Variants in TRAPPC13 observed in about 807,000 individuals in gnomAD.
TRAPPC13 encodes the protein REV7-interacting novel NHEJ regulator 1.
In TRAPPC13, 39 loss-of-function variants were observed where a neutral mutation model predicts 54.0. The observed-to-expected ratio is 0.72, with a 90% CI of 0.56 to 0.94. TRAPPC13 has a LOEUF of 0.94. Ranked by LOEUF, TRAPPC13 falls within the 40% of genes least tolerant of loss-of-function variation. The pLI, the probability that TRAPPC13 is intolerant of heterozygous loss-of-function variation, is 0.00. For missense variants in TRAPPC13, 386 were observed against 488.1 expected, an observed-to-expected ratio of 0.79 and a Z score of 1.97; for synonymous variants, 148 against 167.7, an observed-to-expected ratio of 0.88 and a Z score of 0.91.
chr5:65,642,184 G>A (rs56136819), intron 4 of TRAPPC13, among the ~76,000 whole-genome samples: 2,641 of 152,082 alleles, frequency 0.017, 76 homozygotes, highest in African/African-American at 0.059. Context: ...TTAGCTGGGC[G>A]TGCTGGCGAG....
chr5:65,646,856 T>G (rs528681607), intron 4 of TRAPPC13, among the ~76,000 whole-genome samples, 199 bp from the exon 5 acceptor site: 178 of 151,870 alleles, frequency 1.2e-3, no homozygotes, highest in South Asian at 4.2e-3. Flanking sequence ...TTTATTTTTT[T>G]GGGGTTGGGG....
At chr5:65,637,126 C>T (rs940591567) in intron 3 of TRAPPC13, among the ~76,000 whole-genome samples, 4 of 152,152 alleles carry the variant, frequency 2.6e-5, no homozygotes, top group African/African-American at 9.7e-5. Flanking sequence ...TTCAATGAGT[C>T]TTATCTCTAG....
At chr5:65,635,520 C>T in intron 2 of TRAPPC13, among the ~76,000 whole-genome samples, 151 bp downstream of exon 2, 1 of 152,150 alleles carries the variant, frequency 6.6e-6, no homozygotes, top group East Asian at 1.9e-4. Flanking sequence ...TGAAAGGTGG[C>T]CATCTGAGTA....
intron 9 of TRAPPC13, among the ~76,000 whole-genome samples, chr5:65,659,967 CAAAAA>C (rs141876171): frequency 2.4e-4 from 23 of 95,230 alleles, no homozygotes; most frequent in East Asian, 2.4e-3. Context: ...GTATTTTAAA[CAAAAA>C]AAAAAAAAAA....
chr5:65,629,773 A>G, intron 1 of TRAPPC13: 1 of 1,536,120 alleles, frequency 6.5e-7, no homozygotes, highest in Non-Finnish European at 8.7e-7. Flanking sequence ...TGATTTCTGA[A>G]GAGGCAGCTG....
At chr5:65,664,424 T>C (rs1756960281) in intron 12 of TRAPPC13, 40 bp downstream of exon 12, 1 of 1,605,616 alleles carries the variant, frequency 6.2e-7, no homozygotes. Flanking sequence ...TTGGGTGCTG[T>C]TAACTTACAA....
At chr5:65,651,729 T>TC (rs1554129759) in intron 6 of TRAPPC13, among the ~76,000 whole-genome samples, 4 of 151,590 alleles carry the variant, frequency 2.6e-5, no homozygotes, top group African/African-American at 9.7e-5. Flanking sequence ...ATGGTTTTTT[T>TC]CATTCCTTTG....
intron 1 of TRAPPC13, chr5:65,634,766 G>C (rs1386560551): frequency 6.5e-6 from 1 of 154,936 alleles, no homozygotes; most frequent in Non-Finnish European, 1.4e-5. Context: ...AGGCATGGTG[G>C]TGCATTCCTG....
chr5:65,634,568 G>A (rs1410224091), intron 1 of TRAPPC13, among the ~76,000 whole-genome samples: 3 of 151,712 alleles, frequency 2.0e-5, no homozygotes, highest in Non-Finnish European at 4.4e-5. Context: ...TGACATTTTT[G>A]TAATTTCTAC....
chr5:65,662,233 C>T, intron 11 of TRAPPC13, 83 bp downstream of exon 11: 1 of 951,748 alleles, frequency 1.1e-6, no homozygotes, highest in Non-Finnish European at 1.5e-6. Context: ...TTACTATCTC[C>T]TTTTAAGTTT....
chr5:65,644,370 A>C (rs909915326), intron 4 of TRAPPC13, among the ~76,000 whole-genome samples: 1 of 152,132 alleles, frequency 6.6e-6, no homozygotes, highest in Admixed American at 6.6e-5. Context: ...GTGTCCTCTG[A>C]AGACATCTTG....
intron 11 of TRAPPC13, chr5:65,663,614 T>G (rs1355972045): frequency 6.6e-6 from 1 of 152,214 alleles, no homozygotes; most frequent in Non-Finnish European, 1.5e-5. Flanking sequence ...TATTTTTCAT[T>G]ATGAGCCTTT....
chr5:65,649,513 C>G (rs1369720367), intron 5 of TRAPPC13, among the ~76,000 whole-genome samples: 1 of 152,106 alleles, frequency 6.6e-6, no homozygotes, highest in African/African-American at 2.4e-5. Flanking sequence ...AGAATTTTTT[C>G]AACTCTTGAT....
intron 7 of TRAPPC13, among the ~76,000 whole-genome samples, chr5:65,654,747 G>A (rs1285151559): frequency 6.6e-6 from 1 of 152,168 alleles, no homozygotes; most frequent in African/African-American, 2.4e-5. Context: ...AGGAAAACAA[G>A]TTCATGAGAA....
At chr5:65,630,823 A>T (rs1332169296) in intron 1 of TRAPPC13, 1 of 327,276 alleles carries the variant, frequency 3.1e-6, no homozygotes, top group African/African-American at 2.2e-5. Context: ...AAACAACGAT[A>T]CAAAATGTAT....
intron 6 of TRAPPC13, among the ~76,000 whole-genome samples, chr5:65,651,583 TTAA>T (rs1308700378): frequency 6.6e-6 from 1 of 150,856 alleles, no homozygotes; most frequent in African/African-American, 2.4e-5. Context: ...GAGTTTTGTA[TTAA>T]TATACAGTTT....
chr5:65,652,642 C>G, intron 7 of TRAPPC13, 97 bp downstream of exon 7: 1 of 862,778 alleles, frequency 1.2e-6, no homozygotes, highest in Non-Finnish European at 2.0e-6. Flanking sequence ...AAGCAAATCG[C>G]CAACGTGACT....
intron 8 of TRAPPC13, among the ~76,000 whole-genome samples, chr5:65,656,804 G>C (rs1417579695): frequency 6.6e-6 from 1 of 152,150 alleles, no homozygotes; most frequent in Admixed American, 6.5e-5. Flanking sequence ...TACTTGAGAG[G>C]CTGAGGCAGG....
chr5:65,646,535 T>G (rs1350852754), intron 4 of TRAPPC13, among the ~76,000 whole-genome samples: 1 of 152,328 alleles, frequency 6.6e-6, no homozygotes, highest in South Asian at 2.1e-4. Flanking sequence ...TTGTACCTTT[T>G]TTTTTCTCTG....
Sources: allele counts gnomAD v4.1 joint callset (sites outside exome capture counted in the v4.1 genomes callset), GRCh38; gene constraint gnomAD v4.1.1; transcripts MANE v1.5; gene names NCBI Gene and HGNC (gene_info 2026-07-23, HGNC 2026-07-21).